EMID1: variants seen among roughly 807,000 people sequenced by gnomAD.
EMID1 encodes the protein EMI domain containing 1.
A neutral mutation model predicts 60.6 loss-of-function variants in EMID1; 40 were observed. The ratio of observed to expected loss-of-function variants is 0.66; its 90% CI spans 0.51 to 0.86. The LOEUF (loss-of-function observed/expected upper bound fraction) is 0.86. Among genes scored for constraint, EMID1 ranks in the 40% least tolerant of loss-of-function variants. EMID1 has a pLI of 0.00. For synonymous variants in EMID1, 242 were observed against 231.0 expected (o/e 1.05, Z -0.43); for missense variants, 585 against 597.1 (o/e 0.98, Z 0.21).
At chr22:29,221,124 TAG>T (rs1055464880) in intron 3 of EMID1, among the ~76,000 whole-genome samples, 3 of 80,696 alleles carry the variant, frequency 3.7e-5, no homozygotes, top group African/African-American at 8.8e-5. Flanking sequence ...TGTGTGTGTG[TAG>T]GGCACGTGAG....
At chr22:29,254,031 T>C (rs2041616816) in intron 13 of EMID1, 172 bp from the exon 14 acceptor site, 1 of 985,266 alleles carries the variant, frequency 1.0e-6, no homozygotes, top group Admixed American at 6.1e-5. Context: ...TGCCTTGTTG[T>C]CCCCCTCCTG....
intron 13 of EMID1, among the ~76,000 whole-genome samples, chr22:29,243,793 G>T (rs1286353213): frequency 2.6e-5 from 4 of 152,172 alleles, no homozygotes; most frequent in Admixed American, 2.0e-4. Flanking sequence ...TTTCCTCCTG[G>T]GTGGTTTGGG....
At chr22:29,211,597 T>G (rs746368661) in intron 1 of EMID1, among the ~76,000 whole-genome samples, 1 of 151,844 alleles carries the variant, frequency 6.6e-6, no homozygotes, top group Non-Finnish European at 1.5e-5. Context: ...TGTCTGTGTG[T>G]ACGTGCTCAC....
chr22:29,215,888 G>T (rs902859563), intron 3 of EMID1, among the ~76,000 whole-genome samples: 1 of 152,154 alleles, frequency 6.6e-6, no homozygotes, highest in African/African-American at 2.4e-5. Context: ...TTTAAGTCAT[G>T]CTATCCTAAA....
chr22:29,216,171 G>T (rs1044122487), intron 3 of EMID1, among the ~76,000 whole-genome samples: 6 of 152,176 alleles, frequency 3.9e-5, no homozygotes, highest in African/African-American at 1.2e-4. Context: ...CATGTCCCAG[G>T]CTCAGGGACT....
intron 3 of EMID1, among the ~76,000 whole-genome samples, chr22:29,220,172 G>C (rs972376337): frequency 6.6e-6 from 1 of 152,070 alleles, no homozygotes; most frequent in African/African-American, 2.4e-5. Context: ...TCCCATACAC[G>C]GCCTTGGCAG....
At chr22:29,211,776 G>A (rs1390301090) in intron 1 of EMID1, among the ~76,000 whole-genome samples, 1 of 152,220 alleles carries the variant, frequency 6.6e-6, no homozygotes, top group Non-Finnish European at 1.5e-5. Context: ...TGCCCAGATT[G>A]TCCTCTTCCT....
intron 1 of EMID1, among the ~76,000 whole-genome samples, chr22:29,209,482 G>A (rs2039802210): frequency 6.6e-6 from 1 of 152,180 alleles, no homozygotes; most frequent in Admixed American, 6.5e-5. Context: ...AGCACATGGG[G>A]ATGGGTCCCT....
intron 3 of EMID1, among the ~76,000 whole-genome samples, chr22:29,221,809 TG>T (rs1213275443): frequency 3.3e-5 from 5 of 152,270 alleles, no homozygotes; most frequent in Admixed American, 3.3e-4. Context: ...CTCAGAATTT[TG>T]GGGGAGTTTT....
At chr22:29,227,365 C>T (rs2040553369) in intron 5 of EMID1, among the ~76,000 whole-genome samples, 1 of 151,652 alleles carries the variant, frequency 6.6e-6, no homozygotes, top group Non-Finnish European at 1.5e-5. Context: ...GCTGGGATTA[C>T]AGGTGTGAGC....
At position 29,231,139 on chromosome 22, in the gene EMID1, G is replaced by T; in HGVS notation, c.585G>T (p.Gln195His). The change falls in exon 6 of 15, where the codon CAG becomes CAT. Residue 195 changes from glutamine (Q) to histidine (H), a missense_variant and splice_region_variant. Coordinates refer to ENST00000334018, the MANE Select transcript of EMID1 (RefSeq NM_133455.4). The stretch of plus-strand genomic sequence containing the variant: ...GCAGCCCCGGAGATGGAGGCCTCCA[G>T]GGTGAGTGTCAGACTCAGACTCCCC... ...AQGSPGDGGLQDQVGAWGLPG... is the reference protein window; with the variant it reads ...AQGSPGDGGLHDQVGAWGLPG... 3.1e-6 allele frequency: 5 copies of T among 1,598,770 alleles called. No individual in the cohort carries two copies. The highest frequency in any genetic ancestry group is 4.3e-6 in the Non-Finnish European group (5 of 1,173,866).
At chr22:29,232,610 G>T (rs1876720558) in intron 8 of EMID1, 2 of 577,864 alleles carry the variant, frequency 3.5e-6, no homozygotes, top group East Asian at 3.2e-5. Context: ...GCTTGCCAGG[G>T]TCCCACAGCC....
At chr22:29,257,840 T>A (rs529574502) in intron 14 of EMID1, among the ~76,000 whole-genome samples, 7 of 152,286 alleles carry the variant, frequency 4.6e-5, no homozygotes, top group African/African-American at 1.7e-4. Context: ...CAAGCCATGA[T>A]CCCAGCTGGC....
At chr22:29,216,492 G>A (rs132381) in intron 3 of EMID1, 591,290 of 985,252 alleles carry the variant, frequency 0.6, 180,185 homozygotes, top group Admixed American at 0.68. Flanking sequence ...CAGCTCAAGG[G>A]ACAGAAGCAT....
chr22:29,231,491 C>G, intron 6 of EMID1, 102 bp from the exon 7 acceptor site: 1 of 1,281,860 alleles, frequency 7.8e-7, no homozygotes, highest in Non-Finnish European at 1.1e-6. Context: ...GTGAGGGTCC[C>G]GCTGCTTCCC....
intron 13 of EMID1, among the ~76,000 whole-genome samples, chr22:29,247,088 C>T (rs1005679493): frequency 7.9e-5 from 12 of 152,084 alleles, no homozygotes; most frequent in African/African-American, 2.7e-4. Flanking sequence ...AAGCAATTCT[C>T]GTGCCTCAGC....
chr22:29,208,198 C>A (rs2039748072), intron 1 of EMID1, among the ~76,000 whole-genome samples: 1 of 152,166 alleles, frequency 6.6e-6, no homozygotes, highest in African/African-American at 2.4e-5. Flanking sequence ...GGTGTCATGC[C>A]CTGTCAGCCT....
chr22:29,244,422 T>C (rs188795858), intron 13 of EMID1, among the ~76,000 whole-genome samples: 108 of 151,738 alleles, frequency 7.1e-4, no homozygotes, highest in African/African-American at 2.4e-3. Context: ...AAAACCCCCA[T>C]CTCTAAAATA....
intron 10 of EMID1, 166 bp from the exon 11 acceptor site, chr22:29,233,971 C>A: frequency 1.3e-6 from 1 of 757,714 alleles, no homozygotes. Context: ...AGGATCAGAT[C>A]TTTTAACACT....
Sources: gnomAD v4.1 joint callset for allele counts (sites outside exome capture counted in the v4.1 genomes callset) on GRCh38, gnomAD v4.1.1 for gene constraint, MANE v1.5 for transcripts, NCBI Gene and HGNC (gene_info 2026-07-23, HGNC 2026-07-21) for gene names.